MTDH: variants seen among roughly 807,000 people sequenced by gnomAD.
MTDH encodes the protein protein LYRIC.
Under a neutral mutation model 72.7 loss-of-function variants are expected in MTDH, and 34 were observed. The ratio of observed to expected loss-of-function variants is 0.47; its 90% confidence interval spans 0.36 to 0.62. The LOEUF is 0.62. Among genes scored for constraint, MTDH ranks in the 20% least tolerant of loss-of-function variants. The probability of loss-of-function intolerance (pLI) is 0.00; values close to 1 mark genes in which losing one functional copy is unlikely to be tolerated. For synonymous variants in MTDH, 266 were observed against 268.9 expected, an observed-to-expected ratio of 0.99 and a Z score of 0.10; for missense variants, 677 against 699.4, an observed-to-expected ratio of 0.97 and a Z score of 0.36.
At chr8:97,682,255 TATATATATATATATATATATATATA>T (rs1219179976) in intron 2 of MTDH, among the ~76,000 whole-genome samples, 299 of 7,962 alleles carry the variant, frequency 0.038, 9 homozygotes, top group African/African-American at 0.1. Flanking sequence ...TATATATATA[TATATATATATATATATATATATATA>T]TTTTTTTTTT....
intron 3 of MTDH, 128 bp downstream of exon 3, chr8:97,686,880 T>G: frequency 4.2e-6 from 2 of 480,260 alleles, no homozygotes; most frequent in Non-Finnish European, 7.2e-6. Context: ...CTGTAGACCT[T>G]AATATATAGA....
chr8:97,697,389 T>G (rs1253734653), intron 6 of MTDH, among the ~76,000 whole-genome samples: 11 of 129,606 alleles, frequency 8.5e-5, no homozygotes, highest in African/African-American at 3.1e-4. Context: ...CGGTTTTTTT[T>G]TTTTTTTTTT....
intron 1 of MTDH, among the ~76,000 whole-genome samples, chr8:97,652,217 T>C (rs2130914636): frequency 6.6e-6 from 1 of 152,354 alleles, no homozygotes; most frequent in South Asian, 2.1e-4. Flanking sequence ...TCTCTTTCCA[T>C]GGCCCGTATG....
rs373629804 is a variant in MTDH, at chr8:97,644,707, G to A, written c.201G>A (p.Leu67=). 5 of 1,598,096 alleles carry A rather than the reference G, an allele frequency of 3.1e-6. No homozygotes were observed. The highest frequency in any genetic ancestry group is 1.1e-5 in the South Asian group (1 of 89,782). ...GALGLLLLFL[L]GYGWAAACAG... ...TCGGGCTGCTGCTGCTGTTTCTGCTGGGCTACGGCTGGGCCGCGGCTTGCG... is the reference window on the plus strand; with the variant it reads ...TCGGGCTGCTGCTGCTGTTTCTGCTAGGCTACGGCTGGGCCGCGGCTTGCG... The change falls in exon 1 of 12, where the codon CTG becomes CTA. Residue 67 remains leucine (L), a synonymous_variant. Transcript: ENST00000336273.
At chr8:97,657,551 T>C (rs1027094937) in intron 1 of MTDH, among the ~76,000 whole-genome samples, 3 of 152,236 alleles carry the variant, frequency 2.0e-5, no homozygotes, top group African/African-American at 7.2e-5. Flanking sequence ...TTGCCCAGGC[T>C]AGAGTACAGT....
At chr8:97,700,627 C>T (rs1387730847) in intron 7 of MTDH, among the ~76,000 whole-genome samples, 1 of 152,198 alleles carries the variant, frequency 6.6e-6, no homozygotes. Context: ...GACTATGTGC[C>T]AGGCACTGGT....
At chr8:97,679,865 C>A (rs1442761448) in intron 2 of MTDH, among the ~76,000 whole-genome samples, 1 of 152,044 alleles carries the variant, frequency 6.6e-6, no homozygotes, top group African/African-American at 2.4e-5. Context: ...CCATATGTTC[C>A]ATATATTGAT....
chr8:97,719,157 G>C lies in MTDH; in HGVS notation c.1489G>C (p.Asp497His). The C allele has an allele frequency of 6.2e-7, 1 of 1,613,514 alleles. No individual in the cohort carries two copies. Among genetic ancestry groups the C allele is most frequent in the Non-Finnish European group, 8.5e-7 (1 of 1,179,884 alleles). ...TTCCTTGAAGACCATAAGCACTAGT[G>C]ATCCAGCCGAAGTACTCGTCAAAAA... ...AFSLKTISTSDPAEVLVKNSQ... is the reference protein window; with the variant it reads ...AFSLKTISTSHPAEVLVKNSQ... The change falls in exon 10 of 12, where the codon GAT becomes CAT. Residue 497 changes from aspartate to histidine, a missense_variant. This residue lies in a region of MTDH where 201 missense variants were observed against 204.5 expected (regional missense o/e 0.98). Transcript: ENST00000336273.
At chr8:97,646,802 A>G (rs1313723036) in intron 1 of MTDH, among the ~76,000 whole-genome samples, 2 of 152,226 alleles carry the variant, frequency 1.3e-5, no homozygotes, top group African/African-American at 4.8e-5. Context: ...GGAAGACTGT[A>G]TGGCTGAATG....
chr8:97,660,979 T>G, intron 1 of MTDH, 93 bp from the exon 2 acceptor site: 2 of 900,124 alleles, frequency 2.2e-6, no homozygotes, highest in Non-Finnish European at 3.4e-6. Flanking sequence ...AGAGGTAGGA[T>G]TTGATTGTAG....
chr8:97,645,096 G>A (rs1451255305), intron 1 of MTDH, among the ~76,000 whole-genome samples: 1 of 152,190 alleles, frequency 6.6e-6, no homozygotes, highest in African/African-American at 2.4e-5. Context: ...GAGTGGGGAA[G>A]CCCAGTTTCG....
intron 1 of MTDH, among the ~76,000 whole-genome samples, chr8:97,654,114 T>C (rs1387579986): frequency 6.6e-6 from 1 of 152,236 alleles, no homozygotes. Context: ...AATTTTTGGC[T>C]GTTTAGAAAG....
intron 2 of MTDH, among the ~76,000 whole-genome samples, chr8:97,669,212 G>C (rs754262579): frequency 6.6e-6 from 1 of 152,018 alleles, no homozygotes; most frequent in South Asian, 2.1e-4. Flanking sequence ...ACAGTGGCAC[G>C]ATCTCCGCTC....
Position 97,663,163 on chromosome 8 carries a change from C to G in MTDH, c.483+1990C>G, listed in dbSNP as rs538373685. On this transcript the variant is annotated intron_variant, in intron 2 of 11. Coordinates refer to ENST00000336273, the MANE Select transcript of MTDH (RefSeq NM_178812.4). The stretch of plus-strand genomic sequence containing the variant: ...ATGTATACTTACTCCTGCTTCTACT[C>G]CCTGAATTGCCCTGAAAAATTTGTA... Among the ~76,000 whole-genome samples, 4 of 152,170 alleles carry G rather than the reference C, an allele frequency of 2.6e-5. No homozygotes were observed. The South Asian group carries it at 8.3e-4, about 32-fold the overall frequency.
chr8:97,716,432 TG>T (rs1814874177), intron 9 of MTDH, among the ~76,000 whole-genome samples: 1 of 150,810 alleles, frequency 6.6e-6, no homozygotes, highest in Admixed American at 6.6e-5. Context: ...GGCTCATGCC[TG>T]TAATCCCAGC....
intron 6 of MTDH, among the ~76,000 whole-genome samples, chr8:97,695,365 G>GC (rs1271829674): frequency 2.0e-5 from 3 of 151,990 alleles, no homozygotes; most frequent in Non-Finnish European, 4.4e-5. Context: ...GCCCGCCTCG[G>GC]CCCCCCAAAA....
chr8:97,714,494 C>T (rs1462082243), intron 9 of MTDH, among the ~76,000 whole-genome samples: 3 of 151,804 alleles, frequency 2.0e-5, no homozygotes, highest in Middle Eastern at 3.4e-3. Context: ...GCCCCAGCTA[C>T]TGGGGAAGCT....
chr8:97,687,725 A>G, intron 4 of MTDH, 120 bp downstream of exon 4: 2 of 826,112 alleles, frequency 2.4e-6, no homozygotes, highest in East Asian at 5.7e-5. Context: ...GTGCTGATAT[A>G]CCCTTCTTCA....
chr8:97,715,743 T>G (rs1814842528), intron 9 of MTDH, among the ~76,000 whole-genome samples: 3 of 152,260 alleles, frequency 2.0e-5, no homozygotes, highest in Non-Finnish European at 4.4e-5. Flanking sequence ...CTTGAATTTC[T>G]TTGACTTTGA....
Sources: allele counts gnomAD v4.1 joint callset (sites outside exome capture counted in the v4.1 genomes callset), GRCh38; gene constraint gnomAD v4.1.1; regional missense constraint gnomAD v4.1.1; transcripts MANE v1.5; gene names NCBI Gene and HGNC (gene_info 2026-07-23, HGNC 2026-07-21).